Variants in PIEZO2 observed in about 807,000 individuals in gnomAD.
PIEZO2 encodes piezo-type mechanosensitive ion channel component 2.
Under a neutral mutation model 337.3 loss-of-function variants are expected in PIEZO2, and 172 were observed. The ratio of observed to expected loss-of-function variants is 0.51; its 90% confidence interval spans 0.45 to 0.58. The LOEUF is 0.58. PIEZO2 is among the 20% of genes least tolerant of loss of function. The pLI is 0.00. For synonymous variants in PIEZO2, 1,251 were observed against 1,228.5 expected (o/e 1.02, Z -0.38); for missense variants, 3,028 against 3,391.3 (o/e 0.89, Z 2.66).
At position 10,761,192 on chromosome 18, in the gene PIEZO2, GC is replaced by G. The variant is rs35046897; in HGVS notation, c.3250-82del. On this transcript the variant is annotated intron_variant, in intron 23 of 55. Transcript: ENST00000674853. ...TCAAGCAATCCCCACATTCTGCACA[GC>G]TACAAGGACAATGTTTTATAAAAGC... 12,099 of 1,212,786 alleles carry G rather than the reference GC, an allele frequency of 1.0e-2. 84 individuals are homozygous for G. The highest frequency in any genetic ancestry group is 0.012 in the Non-Finnish European group (10,601 of 861,338). The allele number at this position is 1,212,786 out of a possible 1,614,324, so 75.1% of individuals were successfully genotyped here.
intron 21 of PIEZO2, among the ~76,000 whole-genome samples, chr18:10,769,031 T>G (rs574060171): frequency 2.1e-4 from 32 of 152,344 alleles, no homozygotes; most frequent in Non-Finnish European, 3.7e-4. Flanking sequence ...TACCTCAGAC[T>G]GGATTTGTTC....
chr18:10,908,033 G>A (rs965160236), intron 4 of PIEZO2, among the ~76,000 whole-genome samples: 1 of 152,226 alleles, frequency 6.6e-6, no homozygotes, highest in African/African-American at 2.4e-5. Flanking sequence ...GAGGGAAAAT[G>A]TGATTGTGTG....
intron 33 of PIEZO2, chr18:10,740,595 G>T (rs2037178338): frequency 4.9e-6 from 1 of 202,850 alleles, no homozygotes; most frequent in Admixed American, 5.5e-5. Context: ...CAGAGAAAGG[G>T]TCACTGACCC....
In PIEZO2 at chr18:10,755,860, C is replaced by T. The variant is rs190044523; in HGVS notation, c.3923+2109G>A. On this transcript the variant is annotated intron_variant, in intron 27 of 55. Coordinates refer to ENST00000674853, the MANE Select transcript of PIEZO2 (RefSeq NM_001378183.1). ...GAGGAGAGATGGGAGATGAGGAAGA[C>T]GAATGGAGGATGAGGAGGCAGGATG... Among the ~76,000 whole-genome samples, 43 of 149,952 alleles carry T rather than the reference C, an allele frequency of 2.9e-4. No individual in the cohort carries two copies. In the East Asian group the frequency reaches 6.1e-3, roughly 21 times the overall value.
At chr18:10,891,102 G>A in intron 4 of PIEZO2, among the ~76,000 whole-genome samples, 1 of 152,136 alleles carries the variant, frequency 6.6e-6, no homozygotes, top group East Asian at 1.9e-4. Flanking sequence ...GGAGGCCGAG[G>A]CAGGTGGATT....
chr18:10,990,947 T>G (rs2035066757), intron 2 of PIEZO2, among the ~76,000 whole-genome samples: 1 of 152,124 alleles, frequency 6.6e-6, no homozygotes, highest in Non-Finnish European at 1.5e-5. Flanking sequence ...ATGAAAATAT[T>G]AATCTGTAGA....
intron 2 of PIEZO2, among the ~76,000 whole-genome samples, chr18:11,046,241 A>C (rs1001940318): frequency 1.1e-4 from 16 of 152,228 alleles, no homozygotes; most frequent in South Asian, 4.1e-4. Context: ...TTGATGAGCA[A>C]CATATGGTTG....
At position 10,962,709 on chromosome 18, in the gene PIEZO2, T is replaced by C. The variant is rs1435859598; in HGVS notation, c.286+16826A>G. On this transcript the variant is annotated intron_variant, in intron 3 of 55. Transcript: ENST00000674853. This position sits in a 1 kb window ranked among gnomAD's most constrained non-coding sequence, Gnocchi z 4.1. Reference sequence around the variant, plus strand: ...AGGCATCCTGAGACGTAGTATCATCTCAGTTTTTTAATTTGTAATTTCATC... The same window carrying C: ...AGGCATCCTGAGACGTAGTATCATCCCAGTTTTTTAATTTGTAATTTCATC... 6.6e-6 allele frequency among the ~76,000 whole-genome samples: 1 copy of C among 152,198 alleles called. No homozygotes were observed. The highest frequency in any genetic ancestry group is 2.4e-5 in the African/African-American group (1 of 41,458).
At chr18:10,674,841 A>C (rs1242726006) in intron 54 of PIEZO2, among the ~76,000 whole-genome samples, 2 of 152,234 alleles carry the variant, frequency 1.3e-5, no homozygotes, top group Non-Finnish European at 2.9e-5. Flanking sequence ...ATTTCATGCT[A>C]TATTTTTACT....
chr18:10,996,086 C>T (rs2035310861), intron 2 of PIEZO2, among the ~76,000 whole-genome samples: 1 of 152,132 alleles, frequency 6.6e-6, no homozygotes, highest in South Asian at 2.1e-4. Flanking sequence ...AACTAAAACT[C>T]AGCTTAATAA....
intron 8 of PIEZO2, among the ~76,000 whole-genome samples, chr18:10,806,844 A>G (rs530641915): frequency 1.3e-5 from 2 of 152,350 alleles, no homozygotes; most frequent in African/African-American, 4.8e-5. Flanking sequence ...ATATTACAGT[A>G]AGTGATCAGC....
In PIEZO2 at chr18:10,746,491, C is replaced by T. The variant is rs554264131; in HGVS notation, c.4424+1980G>A. 7.2e-5 allele frequency among the ~76,000 whole-genome samples: 11 copies of T among 152,198 alleles called. No homozygotes were observed. Among genetic ancestry groups the T allele is most frequent in the Non-Finnish European group, 1.2e-4 (8 of 68,046 alleles). On this transcript the variant is annotated intron_variant, in intron 30 of 55. Coordinates refer to ENST00000674853, the MANE Select transcript of PIEZO2 (RefSeq NM_001378183.1). The surrounding 1 kb of genome is among the most constrained non-coding windows in gnomAD (Gnocchi z 4.2). ...TGGGAATGGAAGGCCACCTGGTTCACGCCCCTGCAGCTGGTTATATTCCCT... is the reference window on the plus strand; with the variant it reads ...TGGGAATGGAAGGCCACCTGGTTCATGCCCCTGCAGCTGGTTATATTCCCT...
Position 10,705,517 on chromosome 18 carries a change from C to G in PIEZO2, c.5818G>C (p.Ala1940Pro), listed in dbSNP as rs1280121750. The change falls in exon 41 of 56, where the codon GCC becomes CCC. Residue 1940 changes from alanine (A) to proline (P), a missense_variant. Ala to Pro is a conservative substitution (Grantham distance 27). Coordinates refer to ENST00000674853, the MANE Select transcript of PIEZO2 (RefSeq NM_001378183.1). ...ACAGCCTTGCTGTAGGAGGGTGGGGCCTCCACATCCCCGTCCAAGGTGGAG... is the reference window on the plus strand; with the variant it reads ...ACAGCCTTGCTGTAGGAGGGTGGGGGCTCCACATCCCCGTCCAAGGTGGAG... Reference protein sequence around the residue: ...QFSTLDGDVEAPPSYSKAVSF... With the variant: ...QFSTLDGDVEPPPSYSKAVSF... 1 of 1,537,096 alleles carries G rather than the reference C, an allele frequency of 6.5e-7. No individual in the cohort carries two copies. Among genetic ancestry groups the G allele is most frequent in the African/African-American group, 1.4e-5 (1 of 73,050 alleles).
In PIEZO2 at chr18:11,070,199, TG is replaced by T. The variant is rs1449179245; in HGVS notation, c.65-3978del. Among the ~76,000 whole-genome samples, 1 of 152,240 alleles carries T rather than the reference TG, an allele frequency of 6.6e-6. No individual in the cohort carries two copies. The highest frequency in any genetic ancestry group is 6.5e-5 in the Admixed American group (1 of 15,282). On this transcript the variant is annotated intron_variant, in intron 1 of 55. Coordinates refer to ENST00000674853, the MANE Select transcript of PIEZO2 (RefSeq NM_001378183.1). The surrounding 1 kb of genome is among the most constrained non-coding windows in gnomAD (Gnocchi z 4.3). ...CAAAAACCTATGCAGCATATGTTAC[TG>T]TGCTGAATACTATAGACAACTGTAA...
intron 3 of PIEZO2, among the ~76,000 whole-genome samples, chr18:10,932,447 C>A (rs182146534): frequency 7.4e-4 from 112 of 152,236 alleles, no homozygotes; most frequent in African/African-American, 2.5e-3. Flanking sequence ...GAATTCTCCA[C>A]CTGCTTGGAA....
rs1598589640 is a variant in PIEZO2, at chr18:10,856,396, G to C, written c.703+605C>G. ...CTAAGTTGCTGCATCTTTGCAGTTT[G>C]CTTGAGTCTACTCTAATACGCCTCC... On this transcript the variant is annotated intron_variant, in intron 6 of 55. Coordinates refer to ENST00000674853, the MANE Select transcript of PIEZO2 (RefSeq NM_001378183.1). The surrounding 1 kb of genome is among the most constrained non-coding windows in gnomAD (Gnocchi z 4.7). 6.6e-6 allele frequency among the ~76,000 whole-genome samples: 1 copy of C among 152,114 alleles called. No individual in the cohort carries two copies. Among genetic ancestry groups the C allele is most frequent in the Non-Finnish European group, 1.5e-5 (1 of 68,030 alleles).
chr18:10,917,231 A>C (rs1296478613), intron 3 of PIEZO2, among the ~76,000 whole-genome samples: 1 of 152,154 alleles, frequency 6.6e-6, no homozygotes, highest in Admixed American at 6.5e-5. Flanking sequence ...TTAAAACCAC[A>C]GGGCTTTGCT....
intron 5 of PIEZO2, among the ~76,000 whole-genome samples, chr18:10,866,813 A>T (rs964504473): frequency 6.6e-6 from 1 of 152,240 alleles, no homozygotes. Flanking sequence ...ATGACTTCCT[A>T]CAATAAAAAA....
At chr18:10,884,440 T>G (rs2042514476) in intron 4 of PIEZO2, among the ~76,000 whole-genome samples, 1 of 152,198 alleles carries the variant, frequency 6.6e-6, no homozygotes, top group Admixed American at 6.5e-5. Context: ...AGCTTATTGT[T>G]TGGAGTCCTC....
Sources: allele counts gnomAD v4.1 joint callset (sites outside exome capture counted in the v4.1 genomes callset), GRCh38; gene constraint gnomAD v4.1.1; non-coding constraint Gnocchi (gnomAD v3.1); transcripts MANE v1.5; gene names NCBI Gene and HGNC (gene_info 2026-07-23, HGNC 2026-07-21).